NOP9: variants seen among roughly 807,000 people sequenced by gnomAD.
NOP9 encodes NOP9 nucleolar protein.
Under a neutral mutation model 63.0 loss-of-function variants are expected in NOP9, and 50 were observed. The ratio of observed to expected loss-of-function variants is 0.79; its 90% CI spans 0.63 to 1.00. The LOEUF is 1.00. Among genes scored for constraint, NOP9 ranks in the 50% least tolerant of loss-of-function variants. NOP9 has a pLI of 0.00. For missense variants in NOP9, 758 were observed against 803.0 expected, an observed-to-expected ratio of 0.94 and a Z score of 0.68; for synonymous variants, 343 against 332.8, an observed-to-expected ratio of 1.03 and a Z score of -0.33.
chr14:24,302,023 C>T lies in NOP9; in HGVS notation c.867C>T (p.His289=). ...TTCAAGTGGCTTTACAGGTTTTACA[C>T]CGCAAACTTCCCCAGTTTTGCGCTC... ...FCLQVALQVL[H]RKLPQFCAHL... The change falls in exon 4 of 10, where the codon CAC becomes CAT. Residue 289 remains histidine (H), a synonymous_variant. Transcript: ENST00000267425. The T allele has an allele frequency of 6.2e-7, 1 of 1,614,012 alleles. No individual in the cohort carries two copies. Among genetic ancestry groups the T allele is most frequent in the Middle Eastern group, 1.7e-4 (1 of 6,058 alleles).
the NOP9 span, chr14:24,291,130 G>C: frequency 6.2e-7 from 1 of 1,614,060 alleles, no homozygotes; most frequent in Non-Finnish European, 8.5e-7. Flanking sequence ...GCTGTGCCAG[G>C]GTCCTCACCG....
In NOP9 at chr14:24,307,654, G is replaced by T; in HGVS notation, c.*2559G>T. 8.2e-7 allele frequency: 1 copy of T among 1,212,660 alleles called. No individual in the cohort carries two copies. Among genetic ancestry groups the T allele is most frequent in the Non-Finnish European group, 1.2e-6 (1 of 848,208 alleles). The allele number at this position is 1,212,660 out of a possible 1,614,324, so 75.1% of individuals were successfully genotyped here. On this transcript the variant is annotated 3_prime_UTR_variant, in exon 10 of 10. Transcript: ENST00000267425. ...GATTAGGGATGAGGGAGAGACCATG[G>T]AGTGCAGGTGGGGGCGGGTGGCTCA...
upstream of NOP9, chr14:24,299,029 C>G (rs11550019): frequency 3.1e-6 from 5 of 1,614,118 alleles, 1 homozygote; most frequent in South Asian, 4.4e-5. Context: ...CTTTGCAGAG[C>G]TGCAAGGCAA....
At position 24,304,064 on chromosome 14, in the gene NOP9, C is replaced by T; in HGVS notation, c.1434C>T (p.Ala478=). 1 of 1,614,240 alleles carries T rather than the reference C, an allele frequency of 6.2e-7. No individual in the cohort carries two copies. The highest frequency in any genetic ancestry group is 8.5e-7 in the Non-Finnish European group (1 of 1,180,032). Residue 478 remains alanine, a synonymous_variant, in exon 8 of 10, where the codon GCC becomes GCT. Transcript: ENST00000267425. ...EHQVAMAAAR[A]LGDVTVLGSL... Reference sequence around the variant, plus strand: ...AGGTGGCAATGGCCGCAGCCAGAGCCTTGGGGGATGTGACAGTCCTTGGGT... The same window carrying T: ...AGGTGGCAATGGCCGCAGCCAGAGCTTTGGGGGATGTGACAGTCCTTGGGT...
chr14:24,303,463 C>T (rs1260760073), intron 6 of NOP9, among the ~76,000 whole-genome samples: 6 of 151,760 alleles, frequency 4.0e-5, no homozygotes, highest in East Asian at 1.9e-4. Context: ...CTCAGCTCAC[C>T]GTGCCCGGCT....
chr14:24,298,616 T>C (rs931544058), upstream of NOP9: 1 of 198,014 alleles, frequency 5.1e-6, no homozygotes, highest in Non-Finnish European at 1.0e-5. Flanking sequence ...TAATACAGTG[T>C]CTCGCTGTGT....
chr14:24,294,874 C>G (rs1447205340), upstream of NOP9, among the ~76,000 whole-genome samples: 3 of 152,156 alleles, frequency 2.0e-5, no homozygotes, highest in Non-Finnish European at 4.4e-5. Flanking sequence ...ACAAAGCTTG[C>G]CTGAGTGCAT....
the NOP9 span, among the ~76,000 whole-genome samples, chr14:24,286,900 T>G: frequency 2.0e-5 from 3 of 150,146 alleles, no homozygotes; most frequent in Non-Finnish European, 4.4e-5. Flanking sequence ...CCGGCCTATT[T>G]TTATTTTTAG....
the NOP9 span, chr14:24,291,590 T>C: frequency 3.1e-6 from 5 of 1,614,068 alleles, no homozygotes; most frequent in Non-Finnish European, 4.2e-6. Flanking sequence ...TGCCACTCAA[T>C]TCTGTGGTTT....
At chr14:24,292,256 C>T in the NOP9 span, 2 of 1,614,070 alleles carry the variant, frequency 1.2e-6, no homozygotes, top group Admixed American at 1.7e-5. Context: ...TCTGCACAAT[C>T]CCCGGCCACA....
the NOP9 span, among the ~76,000 whole-genome samples, chr14:24,282,931 A>T: frequency 0.14 from 20,891 of 152,060 alleles, 2,084 homozygotes; most frequent in East Asian, 0.5. Flanking sequence ...ATTCGCCCCC[A>T]CAGCTGGCCC....
rs1352593457 is a variant in NOP9 at position 24,307,145 on chromosome 14, C to T, written c.*2050C>T. 7.1e-5 allele frequency: 30 copies of T among 424,934 alleles called. 1 individual carries two copies. Among genetic ancestry groups the T allele is most frequent in the Middle Eastern group, 6.1e-4 (1 of 1,652 alleles). 26.3% of individuals were successfully genotyped at this position (424,934 alleles called of 1,614,324 possible). A position where few individuals can be genotyped will look rare whatever the true frequency, so the allele number is the denominator to read the frequency against. ...ATACTAGCTTCTGAATTCTGTCCCT[C>T]GAACTCTCCCTATCTCCTGCTAACC... is the stretch of plus-strand genomic sequence containing the variant. On this transcript the variant is annotated 3_prime_UTR_variant, in exon 10 of 10. Transcript: ENST00000267425.
the NOP9 span, among the ~76,000 whole-genome samples, chr14:24,285,499 C>T: frequency 1.1e-4 from 17 of 152,044 alleles, no homozygotes; most frequent in Non-Finnish European, 5.9e-5. Context: ...CAGATTTGCA[C>T]GCAGCAAATC....
In NOP9 at chr14:24,300,212, A is replaced by G. The variant is rs764058624; in HGVS notation, c.247+11A>G. The G allele has an allele frequency of 1.2e-6, 2 of 1,613,068 alleles. No homozygotes were observed. The highest frequency in any genetic ancestry group is 1.7e-6 in the Non-Finnish European group (2 of 1,179,292). ...CTGGGGAAGAACGAGGTAGGCAGCA[A>G]CTTCGGGGTTTAGACCAAGAGCATC... On this transcript the variant is annotated intron_variant, in intron 1 of 9. Coordinates refer to ENST00000267425, the MANE Select transcript of NOP9 (RefSeq NM_174913.3).
chr14:24,300,776 G>C lies in NOP9; in HGVS notation c.616G>C (p.Val206Leu), dbSNP rs779907756. 6.2e-7 allele frequency: 1 copy of C among 1,614,100 alleles called. No homozygotes were observed. The highest frequency in any genetic ancestry group is 8.5e-7 in the Non-Finnish European group (1 of 1,180,048). The change falls in exon 2 of 10, where the codon GTG (valine) becomes CTG (leucine). Residue 206 changes from valine to leucine, a missense_variant. Transcript: ENST00000267425. ...VYCGDTHGSF[V>L]VRTLLQVLGG... ...CTGTGGAGACACACATGGCAGCTTC[G>C]TGGTCAGAACTCTGCTTCAGGTGTT...
In NOP9 at chr14:24,300,474, C is replaced by T; in HGVS notation, c.314C>T (p.Thr105Ile). 1 of 1,614,222 alleles carries T rather than the reference C, an allele frequency of 6.2e-7. No homozygotes were observed. Among genetic ancestry groups the T allele is most frequent in the South Asian group, 1.1e-5 (1 of 91,090 alleles). ...TQALALSTNR[T>I]GSEMLQELLG... Reference sequence around the variant, plus strand: ...GCCCTAGCTTTGTCCACGAACAGGACTGGCAGTGAGATGCTGCAGGAACTG... The same window carrying T: ...GCCCTAGCTTTGTCCACGAACAGGATTGGCAGTGAGATGCTGCAGGAACTG... Residue 105 changes from threonine to isoleucine, a missense_variant, in exon 2 of 10, where the codon ACT (threonine) becomes ATT (isoleucine). Transcript: ENST00000267425.
At chr14:24,296,406 G>T, upstream of NOP9, 1 of 1,113,552 alleles carries the variant, frequency 9.0e-7, no homozygotes, top group Non-Finnish European at 1.4e-6. Flanking sequence ...AGAAAGAGAT[G>T]GGGGAGGCCG....
the NOP9 span, chr14:24,291,115 T>G: frequency 6.2e-7 from 1 of 1,614,008 alleles, no homozygotes; most frequent in Non-Finnish European, 8.5e-7. Context: ...CAGTCAAGGC[T>G]GACTGCTGTG....
chr14:24,282,279 T>G, the NOP9 span, among the ~76,000 whole-genome samples: 1 of 152,136 alleles, frequency 6.6e-6, no homozygotes, highest in South Asian at 2.1e-4. Flanking sequence ...TTATACAGAT[T>G]TGGTCGAATC....
Sources: allele counts gnomAD v4.1 joint callset (sites outside exome capture counted in the v4.1 genomes callset), GRCh38; gene constraint gnomAD v4.1.1; transcripts MANE v1.5; gene names NCBI Gene and HGNC (gene_info 2026-07-23, HGNC 2026-07-21).